The following KCNH1 variants were observed in gnomAD, a reference collection of about 807,000 sequenced individuals.
KCNH1 encodes voltage-gated delayed rectifier potassium channel KCNH1.
A neutral mutation model predicts 69.2 loss-of-function variants in KCNH1; 27 were observed. That is an observed-to-expected ratio of 0.39 (90% CI 0.29 to 0.54). KCNH1 has a LOEUF of 0.54. KCNH1 is among the 20% of genes least tolerant of loss of function. The probability of loss-of-function intolerance (pLI) is 0.68; values close to 1 mark genes in which losing one functional copy is unlikely to be tolerated. For synonymous variants in KCNH1, 456 were observed against 487.7 expected (o/e 0.93, Z 0.86); for missense variants, 798 against 1,261.6 (o/e 0.63, Z 5.57).
chr1:210,791,681 T>A (rs1412139559), intron 9 of KCNH1, among the ~76,000 whole-genome samples: 1 of 152,214 alleles, frequency 6.6e-6, no homozygotes, highest in African/African-American at 2.4e-5. Flanking sequence ...CGTTACTTAT[T>A]GTCACTAGCC....
At chr1:211,013,322 T>A (rs1418626029) in intron 6 of KCNH1, among the ~76,000 whole-genome samples, 4 of 152,130 alleles carry the variant, frequency 2.6e-5, no homozygotes, top group Non-Finnish European at 4.4e-5. Flanking sequence ...GGGTAGGCAA[T>A]GACACCTTGG....
chr1:211,075,527 G>C (rs1690717080), intron 5 of KCNH1, among the ~76,000 whole-genome samples: 1 of 152,240 alleles, frequency 6.6e-6, no homozygotes, highest in Non-Finnish European at 1.5e-5. Context: ...CCTTGGGTAA[G>C]AAGGAGATTT....
intron 7 of KCNH1, among the ~76,000 whole-genome samples, chr1:210,881,847 A>G (rs1686501553): frequency 6.6e-6 from 1 of 152,214 alleles, no homozygotes; most frequent in South Asian, 2.1e-4. Context: ...ACGGAGACAG[A>G]AAAAAGATCA....
At chr1:210,860,370 TA>T in intron 7 of KCNH1, 1 of 1,425,596 alleles carries the variant, frequency 7.0e-7, no homozygotes, top group Non-Finnish European at 9.9e-7. Flanking sequence ...CAATGACCTG[TA>T]AGCAGATTCC....
intron 4 of KCNH1, among the ~76,000 whole-genome samples, chr1:211,084,228 T>C (rs1690912125): frequency 1.5e-5 from 1 of 65,268 alleles, no homozygotes; most frequent in South Asian, 5.6e-4. Flanking sequence ...AACTATGAAC[T>C]AAGATTTTTT....
chr1:211,111,724 A>AC (rs1558609338), intron 1 of KCNH1, among the ~76,000 whole-genome samples: 2 of 69,214 alleles, frequency 2.9e-5, no homozygotes, highest in Non-Finnish European at 5.8e-5. Context: ...ACCCCACCCA[A>AC]CCCCAGTCTG....
chr1:210,810,465 A>G (rs182717455), intron 7 of KCNH1, among the ~76,000 whole-genome samples: 5 of 151,674 alleles, frequency 3.3e-5, no homozygotes, highest in Admixed American at 1.3e-4. Flanking sequence ...TTTCTTTGAT[A>G]ATTTCTTCCC....
At chr1:210,707,234 G>A (rs1681937135) in intron 10 of KCNH1, among the ~76,000 whole-genome samples, 3 of 152,136 alleles carry the variant, frequency 2.0e-5, no homozygotes, top group Middle Eastern at 3.4e-3. Context: ...GTGGATGCAC[G>A]GGACCCCCTA....
At chr1:210,979,197 C>G (rs756669149) in intron 6 of KCNH1, among the ~76,000 whole-genome samples, 15 of 152,126 alleles carry the variant, frequency 9.9e-5, no homozygotes, top group Admixed American at 3.3e-4. Flanking sequence ...GGCCAAACCT[C>G]GATGCTAACA....
chr1:210,859,118 C>G, intron 7 of KCNH1: 1 of 1,049,788 alleles, frequency 9.5e-7, no homozygotes, highest in Non-Finnish European at 1.5e-6. Flanking sequence ...AGAACCACTA[C>G]TAGGAGGAAC....
chr1:210,738,742 A>T (rs1284889166), intron 10 of KCNH1, among the ~76,000 whole-genome samples: 1 of 150,626 alleles, frequency 6.6e-6, no homozygotes, highest in Non-Finnish European at 1.5e-5. Context: ...TAATTTTTGT[A>T]TTTTTTTGTA....
chr1:210,680,340 A>C lies in KCNH1; in HGVS notation c.*2941T>G, dbSNP rs1432460470. ...ATTTAGTAGAAATCAAATAACCAGC[A>C]CTTACTAGATAATGGTGCCACATAT... On this transcript the variant is annotated 3_prime_UTR_variant, in exon 11 of 11. Transcript: ENST00000271751. The C allele has an allele frequency of 6.9e-6, 1 of 144,736 alleles. No individual in the cohort carries two copies. Among genetic ancestry groups the C allele is most frequent in the South Asian group, 2.5e-4 (1 of 4,040 alleles). 9.0% of individuals were successfully genotyped at this position (144,736 alleles called of 1,614,324 possible). A position where few individuals can be genotyped will look rare whatever the true frequency, so the allele number is the denominator to read the frequency against.
At chr1:210,936,667 A>G (rs1687780870) in intron 6 of KCNH1, among the ~76,000 whole-genome samples, 1 of 152,130 alleles carries the variant, frequency 6.6e-6, no homozygotes, top group Non-Finnish European at 1.5e-5. Context: ...CCCCTCCCTT[A>G]CAGCCCCTGA....
chr1:210,961,387 AT>A (rs1452889501), intron 6 of KCNH1, among the ~76,000 whole-genome samples: 1 of 151,532 alleles, frequency 6.6e-6, no homozygotes, highest in Non-Finnish European at 1.5e-5. Flanking sequence ...AAGATTACTA[AT>A]TTTTTCTTCT....
chr1:211,013,252 A>G (rs1254506251), intron 6 of KCNH1, among the ~76,000 whole-genome samples: 1 of 152,252 alleles, frequency 6.6e-6, no homozygotes, highest in East Asian at 1.9e-4. Flanking sequence ...CTGGAAGAGC[A>G]GGGAATAGTG....
At chr1:211,055,475 G>A (rs970636011) in intron 5 of KCNH1, among the ~76,000 whole-genome samples, 26 of 152,210 alleles carry the variant, frequency 1.7e-4, no homozygotes, top group African/African-American at 6.3e-4. Flanking sequence ...AAGCTTAAAA[G>A]GCAGTCTAGA....
intron 7 of KCNH1, among the ~76,000 whole-genome samples, chr1:210,815,407 G>A (rs1249270558): frequency 6.6e-6 from 1 of 152,152 alleles, no homozygotes; most frequent in East Asian, 1.9e-4. Context: ...AGCCAGGTGA[G>A]AATGAGAGAA....
chr1:210,994,238 G>GT (rs1462137838), intron 6 of KCNH1, among the ~76,000 whole-genome samples: 1 of 152,066 alleles, frequency 6.6e-6, no homozygotes, highest in Non-Finnish European at 1.5e-5. Flanking sequence ...CTGTAGACTT[G>GT]TTTTTTCTTA....
chr1:211,012,624 G>T (rs1387115823), intron 6 of KCNH1, among the ~76,000 whole-genome samples: 1 of 152,154 alleles, frequency 6.6e-6, no homozygotes, highest in African/African-American at 2.4e-5. Context: ...AATTGGGGTA[G>T]GGGGATGAAT....
Sources: allele counts gnomAD v4.1 joint callset (sites outside exome capture counted in the v4.1 genomes callset), GRCh38; gene constraint gnomAD v4.1.1; transcripts MANE v1.5; gene names NCBI Gene and HGNC (gene_info 2026-07-23, HGNC 2026-07-21).